The following BTN3A2 variants were observed in gnomAD, a reference collection of about 807,000 sequenced individuals.
BTN3A2 encodes the protein butyrophilin subfamily 3 member A2.
In BTN3A2, 25 loss-of-function variants were observed where a neutral mutation model predicts 37.6. The observed-to-expected ratio is 0.66, with a 90% CI of 0.48 to 0.93. The LOEUF (loss-of-function observed/expected upper bound fraction) is 0.93, where lower values mean the gene tolerates loss of function less well. Among genes scored for constraint, BTN3A2 ranks in the 40% least tolerant of loss-of-function variants. The pLI, the probability that BTN3A2 is intolerant of heterozygous loss-of-function variation, is 0.00. For synonymous variants in BTN3A2, 122 were observed against 159.4 expected (o/e 0.77, Z 1.77); for missense variants, 266 against 410.9 (o/e 0.65, Z 3.05).
rs1043474385 is a variant in BTN3A2, at chr6:26,368,368, C to T, written c.85+101C>T. On this transcript the variant is annotated intron_variant, in intron 3 of 10. Coordinates refer to ENST00000377708, the MANE Select transcript of BTN3A2 (RefSeq NM_007047.5). ...AATTACCTAAATGCCCTCTTAGAACCTTTAACTCATTCCCATACCTGGAAG... is the reference window on the plus strand; with the variant it reads ...AATTACCTAAATGCCCTCTTAGAACTTTTAACTCATTCCCATACCTGGAAG... 1.1e-5 allele frequency: 17 copies of T among 1,529,106 alleles called. No homozygotes were observed. The Admixed American group carries it at 2.9e-4, about 26-fold the overall frequency. 94.7% of individuals were successfully genotyped at this position (1,529,106 alleles called of 1,614,324 possible).
At chr6:26,374,860 T>C in intron 10 of BTN3A2, 62 bp downstream of exon 10, 5 of 1,452,160 alleles carry the variant, frequency 3.4e-6, no homozygotes, top group Non-Finnish European at 4.7e-6. Context: ...CCTTTTTCCT[T>C]TTTTCTTCTC....
chr6:26,373,536 A>AAG (rs2113709128), intron 8 of BTN3A2, 123 bp downstream of exon 8: 1 of 1,088,014 alleles, frequency 9.2e-7, no homozygotes, highest in Admixed American at 3.0e-5. Context: ...TACCCAGAAA[A>AAG]AGAAAACAAG....
Position 26,376,775 on chromosome 6 carries a change from G to T in BTN3A2, c.*1013G>T. ...TGGAAGTGGGGGACAGAAAAGAGTG[G>T]CATATTGGGGTATGTAGTAAGAACG... On this transcript the variant is annotated 3_prime_UTR_variant, in exon 11 of 11. Coordinates refer to ENST00000377708, the MANE Select transcript of BTN3A2 (RefSeq NM_007047.5). 2 of 1,610,738 alleles carry T rather than the reference G, an allele frequency of 1.2e-6. No homozygotes were observed. Among genetic ancestry groups the T allele is most frequent in the South Asian group, 1.1e-5 (1 of 91,006 alleles).
Position 26,374,811 on chromosome 6 carries a change from C to T in BTN3A2, c.*34+13C>T. 6.6e-7 allele frequency: 1 copy of T among 1,515,012 alleles called. No homozygotes were observed. Among genetic ancestry groups the T allele is most frequent in the Non-Finnish European group, 9.1e-7 (1 of 1,093,086 alleles). The allele number at this position is 1,515,012 out of a possible 1,614,324, so 93.8% of individuals were successfully genotyped here. On this transcript the variant is annotated intron_variant, in intron 10 of 10. Coordinates refer to ENST00000377708, the MANE Select transcript of BTN3A2 (RefSeq NM_007047.5). ...CTCTTCAAGCCTGGTGAGTAAATCA[C>T]TGCATGTTCCCTGGACCAACAACCT...
At chr6:26,370,626 G>C in intron 5 of BTN3A2, 23 bp downstream of exon 5, 2 of 1,613,156 alleles carry the variant, frequency 1.2e-6, no homozygotes, top group African/African-American at 2.7e-5. Context: ...TTGGCCTCAG[G>C]TTTTCTGAGC....
intron 1 of BTN3A2, 132 bp downstream of exon 1, chr6:26,365,484 G>GTGTC: frequency 1.7e-6 from 1 of 583,280 alleles, no homozygotes; most frequent in Non-Finnish European, 2.9e-6. Context: ...CTGTGTGTGT[G>GTGTC]TGTGTGTGTG....
At chr6:26,365,914 A>G (rs1762023847) in intron 1 of BTN3A2, among the ~76,000 whole-genome samples, 1 of 152,158 alleles carries the variant, frequency 6.6e-6, no homozygotes, top group African/African-American at 2.4e-5. Context: ...CAGTCATAAA[A>G]CATGTTCCAT....
chr6:26,365,447 A>T, intron 1 of BTN3A2, 95 bp downstream of exon 1: 1 of 1,326,746 alleles, frequency 7.5e-7, no homozygotes, highest in Non-Finnish European at 1.0e-6. Flanking sequence ...CAGGGAGAGT[A>T]CTCTCCCAGA....
chr6:26,366,243 C>A (rs1762051221), intron 1 of BTN3A2, among the ~76,000 whole-genome samples: 1 of 152,130 alleles, frequency 6.6e-6, no homozygotes, highest in Non-Finnish European at 1.5e-5. Context: ...TCAGTTTCTA[C>A]ATTTTGTTAC....
rs1350891716 is a variant in BTN3A2, at chr6:26,374,407, C to T, written c.*6+34C>T. 6 of 1,595,124 alleles carry T rather than the reference C, an allele frequency of 3.8e-6. No individual in the cohort carries two copies. The Admixed American group carries it at 1.0e-4, about 27-fold the overall frequency. On this transcript the variant is annotated intron_variant, in intron 9 of 10. Transcript: ENST00000377708. ...GCTGGGTCACATGCCCTGAATATTT[C>T]AACTTTTTCTCCACTGTGACCCGTG...
chr6:26,369,707 A>G (rs1561801773), intron 4 of BTN3A2, among the ~76,000 whole-genome samples: 1 of 152,168 alleles, frequency 6.6e-6, no homozygotes, highest in Non-Finnish European at 1.5e-5. Flanking sequence ...GTTTTTCTCT[A>G]TGCTCACATA....
rs1401729622 is a variant in BTN3A2 at position 26,365,349 on chromosome 6, A to AG, written c.-67+1dup. ...CTCTGATTCTCCAATGGGAATACCA[A>AG]GGGGTAAGTGCAGGAAATTGATTAG... On this transcript the variant is annotated 5_prime_UTR_variant, in exon 1 of 11. Transcript: ENST00000377708. 7.2e-6 allele frequency: 11 copies of AG among 1,535,976 alleles called. No homozygotes were observed.
chr6:26,376,455 G>A lies in BTN3A2; in HGVS notation c.*693G>A. The A allele has an allele frequency of 1.1e-6, 1 of 886,318 alleles. No individual in the cohort carries two copies. The highest frequency in any genetic ancestry group is 1.6e-6 in the Non-Finnish European group (1 of 633,402). 54.9% of individuals were successfully genotyped at this position (886,318 alleles called of 1,614,324 possible). On this transcript the variant is annotated 3_prime_UTR_variant, in exon 11 of 11. Transcript: ENST00000377708. ...GATGAGAGAATCACATTCAGGGCAG[G>A]CTAGGGACACGGGGTTCTGGAAGGA...
chr6:26,373,585 CTAG>C, intron 8 of BTN3A2, 172 bp downstream of exon 8: 4 of 186,892 alleles, frequency 2.1e-5, no homozygotes, highest in Non-Finnish European at 3.7e-5. Flanking sequence ...CTTTTTCTCT[CTAG>C]AAAAAAAAAA....
Position 26,376,596 on chromosome 6 carries a change from A to C in BTN3A2, c.*834A>C. ...AGCAGATGTAATTCTGTATCCAGAC[A>C]TGGCAAATGCCATCCTCCTTGTTTC... On this transcript the variant is annotated 3_prime_UTR_variant, in exon 11 of 11. Coordinates refer to ENST00000377708, the MANE Select transcript of BTN3A2 (RefSeq NM_007047.5). 7.0e-7 allele frequency: 1 copy of C among 1,436,472 alleles called. No individual in the cohort carries two copies. The highest frequency in any genetic ancestry group is 9.6e-7 in the Non-Finnish European group (1 of 1,042,968). 89.0% of individuals were successfully genotyped at this position (1,436,472 alleles called of 1,614,324 possible).
rs890343376 is a variant in BTN3A2 at position 26,370,481 on chromosome 6, G to A, written c.593G>A (p.Gly198Glu). 1.5e-5 allele frequency: 25 copies of A among 1,614,226 alleles called. No homozygotes were observed. Among genetic ancestry groups the A allele is most frequent in the Non-Finnish European group, 2.0e-5 (24 of 1,180,036 alleles). Residue 198 changes from glycine to glutamate, a missense_variant, in exon 5 of 11, where the codon GGA (glycine) becomes GAA (glutamate). Gly to Glu is a moderately conservative substitution (Grantham distance 98, BLOSUM62 -2). Around this residue, in one of 3 missense-constraint regions of BTN3A2, gnomAD observed 204 missense variants for 232.6 expected, o/e 0.88. Coordinates refer to ENST00000377708, the MANE Select transcript of BTN3A2 (RefSeq NM_007047.5). ...GTGGAAGCACCTGTGGTTGCAGATG[G>A]AGTGGGCCTATATGAAGTAGCAGCA... ...PAVEAPVVAD[G>E]VGLYEVAASV...
At position 26,365,337 on chromosome 6, in the gene BTN3A2, A is replaced by G. The variant is rs754842341; in HGVS notation, c.-82A>G. ...TTATTCTGTGGGCTCTGATTCTCCAATGGGAATACCAAGGGGTAAGTGCAG... is the reference window on the plus strand; with the variant it reads ...TTATTCTGTGGGCTCTGATTCTCCAGTGGGAATACCAAGGGGTAAGTGCAG... On this transcript the variant is annotated 5_prime_UTR_variant, in exon 1 of 11. It removes an upstream start codon present in the reference 5' UTR. Transcript: ENST00000377708. 1.7e-5 allele frequency: 26 copies of G among 1,535,924 alleles called. No individual in the cohort carries two copies. Among genetic ancestry groups the G allele is most frequent in the African/African-American group, 2.7e-5 (2 of 73,038 alleles).
At position 26,377,576 on chromosome 6, in the gene BTN3A2, A is replaced by G. The variant is rs765567423; in HGVS notation, c.*1814A>G. 13 of 221,472 alleles carry G rather than the reference A, an allele frequency of 5.9e-5. No homozygotes were observed. Among genetic ancestry groups the G allele is most frequent in the Non-Finnish European group, 1.2e-4 (13 of 109,390 alleles). 13.7% of individuals were successfully genotyped at this position (221,472 alleles called of 1,614,324 possible). On this transcript the variant is annotated 3_prime_UTR_variant, in exon 11 of 11. Transcript: ENST00000377708. ...TGTCAGGTAGTCTCATTTGGCAAGT[A>G]TGGAAGCAGAGGCAGGGCAACATTA...
chr6:26,365,430 G>A (rs1561794859), intron 1 of BTN3A2, 78 bp downstream of exon 1: 9 of 1,482,740 alleles, frequency 6.1e-6, no homozygotes, highest in Non-Finnish European at 8.2e-6. Context: ...AGTGGTGAGT[G>A]GGCATGCAGG....
Sources: gnomAD v4.1 joint callset for allele counts (sites outside exome capture counted in the v4.1 genomes callset) on GRCh38, gnomAD v4.1.1 for gene constraint, gnomAD v4.1.1 regional missense constraint, MANE v1.5 for transcripts, NCBI Gene and HGNC (gene_info 2026-07-23, HGNC 2026-07-21) for gene names.